GPR161: variants seen among roughly 807,000 people sequenced by gnomAD.
The protein encoded by GPR161 is G-protein coupled receptor RE2.
In GPR161, 25 loss-of-function variants were observed where a neutral mutation model predicts 39.2. The ratio of observed to expected loss-of-function variants is 0.64; its 90% CI spans 0.47 to 0.89. The LOEUF (loss-of-function observed/expected upper bound fraction) is 0.89. Ranked by LOEUF, GPR161 falls within the 40% of genes least tolerant of loss-of-function variation. The pLI is 0.00. For missense variants in GPR161, 547 were observed against 677.8 expected, an observed-to-expected ratio of 0.81 and a Z score of 2.14; for synonymous variants, 286 against 276.6, an observed-to-expected ratio of 1.03 and a Z score of -0.34.
chr1:168,123,739 G>A (rs1572372755), intron 1 of GPR161, among the ~76,000 whole-genome samples: 1 of 152,056 alleles, frequency 6.6e-6, no homozygotes, highest in Non-Finnish European at 1.5e-5. Flanking sequence ...GAAGGTGAAC[G>A]TGAAGAGCCA....
chr1:168,104,169 GC>G (rs1382133569), intron 2 of GPR161, among the ~76,000 whole-genome samples: 1 of 152,224 alleles, frequency 6.6e-6, no homozygotes, highest in African/African-American at 2.4e-5. Context: ...ACCCAGTGCT[GC>G]CCGGAACTGA....
intron 1 of GPR161, among the ~76,000 whole-genome samples, chr1:168,125,621 C>A (rs987716345): frequency 2.2e-5 from 3 of 137,516 alleles, no homozygotes; most frequent in East Asian, 2.1e-4. Flanking sequence ...TTGCTTCCCC[C>A]CCCTTTTTTT....
rs78371570 is a variant in GPR161, at chr1:168,105,102, C to A, written c.-44-208G>T. ...TGTGAAATTCATTACATCCCCCTGA[C>A]CAATTTCTTCCTCTGGTCTAACCCA... On this transcript the variant is annotated intron_variant, in intron 1 of 5. Coordinates refer to ENST00000682931, the MANE Select transcript of GPR161 (RefSeq NM_001375883.1). 1.8e-4 allele frequency among the ~76,000 whole-genome samples: 27 copies of A among 152,282 alleles called. No homozygotes were observed. In the East Asian group the frequency reaches 5.0e-3, roughly 28 times the overall value.
At chr1:168,103,689 C>T (rs1262072539) in intron 2 of GPR161, among the ~76,000 whole-genome samples, 1 of 152,222 alleles carries the variant, frequency 6.6e-6, no homozygotes, top group Non-Finnish European at 1.5e-5. Context: ...ACTTACTCTC[C>T]TCCCCAATTC....
At chr1:168,128,328 G>A (rs1449551243) in intron 1 of GPR161, among the ~76,000 whole-genome samples, 2 of 152,018 alleles carry the variant, frequency 1.3e-5, no homozygotes, top group Admixed American at 6.6e-5. Context: ...TCCAGATCCC[G>A]CACCTCTGGA....
At position 168,085,321 on chromosome 1, in the gene GPR161, T is replaced by C. The variant is rs941378835; in HGVS notation, c.*210A>G. On this transcript the variant is annotated 3_prime_UTR_variant, in exon 6 of 6. Coordinates refer to ENST00000682931, the MANE Select transcript of GPR161 (RefSeq NM_001375883.1). The stretch of plus-strand genomic sequence containing the variant: ...CCCATCACTGGGACCTAAAAGAAGC[T>C]CACATGTGGTCTCTGGAAATGCTGA... 1.2e-5 allele frequency: 7 copies of C among 594,252 alleles called. No homozygotes were observed. In the African/African-American group the frequency reaches 1.3e-4, roughly 11 times the overall value. The allele number at this position is 594,252 out of a possible 1,614,324, so 36.8% of individuals were successfully genotyped here.
chr1:168,117,010 A>C (rs572647794), intron 1 of GPR161, among the ~76,000 whole-genome samples: 3 of 152,304 alleles, frequency 2.0e-5, no homozygotes, highest in African/African-American at 7.2e-5. Context: ...CCACAGATAC[A>C]TGATCAACTT....
intron 1 of GPR161, among the ~76,000 whole-genome samples, chr1:168,112,540 A>C (rs1056040827): frequency 3.3e-5 from 5 of 150,924 alleles, no homozygotes; most frequent in African/African-American, 9.7e-5. Context: ...AAATACGTAG[A>C]TTAATCTAAG....
At chr1:168,099,210 C>T (rs1321023820) in intron 2 of GPR161, among the ~76,000 whole-genome samples, 1 of 152,174 alleles carries the variant, frequency 6.6e-6, no homozygotes, top group Non-Finnish European at 1.5e-5. Context: ...GGTCTTCTTC[C>T]CCTTGTGGGT....
Position 168,136,800 on chromosome 1 carries a change from G to A in GPR161, c.-106C>T. 2.0e-6 allele frequency: 2 copies of A among 983,548 alleles called. No individual in the cohort carries two copies. Among genetic ancestry groups the A allele is most frequent in the Non-Finnish European group, 2.4e-6 (2 of 828,930 alleles). 60.9% of individuals were successfully genotyped at this position (983,548 alleles called of 1,614,324 possible). A position where few individuals can be genotyped will look rare whatever the true frequency, so the allele number is the denominator to read the frequency against. ...CAGCCGCCTCCCCGCCTCGGCCACC[G>A]CCGCCGCCGCTTCCTTCCTCCCCGC... On this transcript the variant is annotated 5_prime_UTR_variant, in exon 1 of 6. Coordinates refer to ENST00000682931, the MANE Select transcript of GPR161 (RefSeq NM_001375883.1).
At chr1:168,103,958 A>G (rs1268434500) in intron 2 of GPR161, among the ~76,000 whole-genome samples, 4 of 152,216 alleles carry the variant, frequency 2.6e-5, no homozygotes, top group Non-Finnish European at 4.4e-5. Context: ...GGGCGGGAGC[A>G]GCCGAGTTTC....
Position 168,098,312 on chromosome 1 carries a change from G to GAGCTAAGGACTGTAGGCCC in GPR161, c.375-1099_375-1081dup, listed in dbSNP as rs1695750359. Among the ~76,000 whole-genome samples, 1 of 152,214 alleles carries GAGCTAAGGACTGTAGGCCC rather than the reference G, an allele frequency of 6.6e-6. No individual in the cohort carries two copies. The highest frequency in any genetic ancestry group is 2.4e-5 in the African/African-American group (1 of 41,456). On this transcript the variant is annotated intron_variant, in intron 2 of 5. Transcript: ENST00000682931. The surrounding 1 kb of genome is among the most constrained non-coding windows in gnomAD (Gnocchi z 4.1). ...CGGGTGGACGGGGCCGGGGCATGCA[G>GAGCTAAGGACTGTAGGCCC]AGCTAAGGACTGTAGGCCCAGCTAA...
chr1:168,124,480 T>C (rs1396056384), intron 1 of GPR161, among the ~76,000 whole-genome samples: 4 of 152,236 alleles, frequency 2.6e-5, no homozygotes, highest in Non-Finnish European at 5.9e-5. Flanking sequence ...TTTGAGGTCA[T>C]TAAATGCCAA....
In GPR161 at chr1:168,091,391, C is replaced by T. The variant is rs190747920; in HGVS notation, c.1100-723G>A. Among the ~76,000 whole-genome samples, 286 of 152,314 alleles carry T rather than the reference C, an allele frequency of 1.9e-3. 2 individuals are homozygous for T. Among genetic ancestry groups the T allele is most frequent in the African/African-American group, 6.7e-3 (280 of 41,560 alleles). The stretch of plus-strand genomic sequence containing the variant: ...AATTTACATATTAAGTAGTGGGACC[C>T]TGGCCCCTTGTCCCACTTAACCTGG... On this transcript the variant is annotated intron_variant, in intron 3 of 5. Coordinates refer to ENST00000682931, the MANE Select transcript of GPR161 (RefSeq NM_001375883.1).
intron 1 of GPR161, among the ~76,000 whole-genome samples, chr1:168,122,500 G>A (rs1406658114): frequency 2.0e-5 from 3 of 152,092 alleles, no homozygotes; most frequent in Non-Finnish European, 4.4e-5. Context: ...CCTCAAAACC[G>A]TAAAAAGATT....
At position 168,085,362 on chromosome 1, in the gene GPR161, A is replaced by G. The variant is rs1694375991; in HGVS notation, c.*169T>C. On this transcript the variant is annotated 3_prime_UTR_variant, in exon 6 of 6. Coordinates refer to ENST00000682931, the MANE Select transcript of GPR161 (RefSeq NM_001375883.1). ...GAAATGCTGAAGCTGTGGACTGTAG[A>G]CATTATTTTCAGTCCTTGTCCTGGT... 3.2e-6 allele frequency: 2 copies of G among 630,842 alleles called. No individual in the cohort carries two copies. Among genetic ancestry groups the G allele is most frequent in the Non-Finnish European group, 5.6e-6 (2 of 358,524 alleles). The allele number at this position is 630,842 out of a possible 1,614,324, so 39.1% of individuals were successfully genotyped here.
At chr1:168,099,690 G>A (rs1190337889) in intron 2 of GPR161, among the ~76,000 whole-genome samples, 1 of 152,172 alleles carries the variant, frequency 6.6e-6, no homozygotes, top group Non-Finnish European at 1.5e-5. Context: ...GCTGCATCCT[G>A]AGTGCCATCA....
At chr1:168,113,118 G>A (rs1697359156) in intron 1 of GPR161, among the ~76,000 whole-genome samples, 1 of 152,160 alleles carries the variant, frequency 6.6e-6, no homozygotes, top group Admixed American at 6.5e-5. Flanking sequence ...TTCCTGGCAG[G>A]CAGCCAGCTT....
chr1:168,117,754 A>G (rs2102219977), intron 1 of GPR161, among the ~76,000 whole-genome samples: 1 of 152,190 alleles, frequency 6.6e-6, no homozygotes, highest in South Asian at 2.1e-4. Context: ...CAATCCATCC[A>G]TTCACCACAG....
Sources: gnomAD v4.1 joint callset for allele counts (sites outside exome capture counted in the v4.1 genomes callset) on GRCh38, gnomAD v4.1.1 for gene constraint, Gnocchi (gnomAD v3.1) non-coding constraint, MANE v1.5 for transcripts, NCBI Gene and HGNC (gene_info 2026-07-23, HGNC 2026-07-21) for gene names.